Variants in CLCN2 observed in about 807,000 individuals in gnomAD.
CLCN2 encodes chloride channel protein 2.
A neutral mutation model predicts 108.3 loss-of-function variants in CLCN2; 72 were observed. That is an observed-to-expected ratio of 0.66 (90% confidence interval 0.55 to 0.81). The LOEUF (loss-of-function observed/expected upper bound fraction) is 0.81. Ranked by LOEUF, CLCN2 falls within the 30% of genes least tolerant of loss-of-function variation. CLCN2 has a pLI of 0.00. For missense variants in CLCN2, 1,048 were observed against 1,205.2 expected, an observed-to-expected ratio of 0.87 and a Z score of 1.93; for synonymous variants, 471 against 467.1, an observed-to-expected ratio of 1.01 and a Z score of -0.11.
At chr3:184,353,005 T>A in intron 18 of CLCN2, 28 bp downstream of exon 18, 1 of 1,600,548 alleles carries the variant, frequency 6.2e-7, no homozygotes, top group Non-Finnish European at 8.6e-7. Context: ...TGGCTGAGGC[T>A]CTGTGGACAC....
At position 184,352,024 on chromosome 3, in the gene CLCN2, A is replaced by T. The variant is rs758729918; in HGVS notation, c.2404T>A (p.Ser802Thr). ...GCTGCTGGCCCTACCTTGTGCAAAG[A>T]GGTCCGCTCCACCAGCTGGAAGGGA... ...PAPFQLVERT[S>T]LHKTHTIFSL... Residue 802 changes from serine to threonine, a missense_variant, in exon 22 of 24, where the codon TCT becomes ACT. Transcript: ENST00000265593. 2 of 1,613,308 alleles carry T rather than the reference A, an allele frequency of 1.2e-6. No individual in the cohort carries two copies. The highest frequency in any genetic ancestry group is 4.5e-5 in the East Asian group (2 of 44,892).
At position 184,358,198 on chromosome 3, in the gene CLCN2, C is replaced by T. The variant is rs372555861; in HGVS notation, c.465G>A (p.Leu155=). ...ITFSAGFTQI[L]APQAVGSGIP... ...CTAACATACCGACAGCCTGAGGGGC[C>T]AGGATCTGTGTGAATCCGGCTGAGA... Residue 155 remains leucine (L), a synonymous_variant, in exon 4 of 24, where the codon CTG becomes CTA. Transcript: ENST00000265593. The T allele has an allele frequency of 6.2e-6, 10 of 1,614,018 alleles. No individual in the cohort carries two copies. The highest frequency in any genetic ancestry group is 8.5e-6 in the Non-Finnish European group (10 of 1,180,044).
In CLCN2 at chr3:184,355,725, G is replaced by T; in HGVS notation, c.1139C>A (p.Pro380His). The T allele has an allele frequency of 1.2e-6, 2 of 1,614,210 alleles. No individual in the cohort carries two copies. The highest frequency in any genetic ancestry group is 1.3e-5 in the African/African-American group (1 of 75,048). Residue 380 changes from proline (P) to histidine (H), a missense_variant, in exon 11 of 24, where the codon CCC (proline) becomes CAC (histidine). Coordinates refer to ENST00000265593, the MANE Select transcript of CLCN2 (RefSeq NM_004366.6). The surrounding 1 kb of genome is among the most constrained non-coding windows in gnomAD (Gnocchi z 6.3). ...VTLLISTLTFPPGFGQFMAGQ... is the reference protein window; with the variant it reads ...VTLLISTLTFHPGFGQFMAGQ... ...AGCCATGAACTGTCCAAAGCCAGGGGGGAAGGTCAGCGTGGAGATGAGCAG... is the reference window on the plus strand; with the variant it reads ...AGCCATGAACTGTCCAAAGCCAGGGTGGAAGGTCAGCGTGGAGATGAGCAG...
intron 14 of CLCN2, 84 bp from the exon 15 acceptor site, chr3:184,354,398 C>A: frequency 7.0e-7 from 1 of 1,434,876 alleles, no homozygotes; most frequent in Non-Finnish European, 9.7e-7. Flanking sequence ...GAGTGGGTCC[C>A]TCAGGGCTGC....
At chr3:184,356,800 A>G in intron 10 of CLCN2, 193 bp downstream of exon 10, 1 of 618,656 alleles carries the variant, frequency 1.6e-6, no homozygotes, top group Non-Finnish European at 2.9e-6. Flanking sequence ...CTGACTATAA[A>G]CTTAAAAATG....
intron 1 of CLCN2, among the ~76,000 whole-genome samples, chr3:184,360,970 A>G (rs549011243): frequency 6.6e-6 from 1 of 152,356 alleles, no homozygotes; most frequent in East Asian, 1.9e-4. Context: ...GGGGCTGACC[A>G]TCTTTCTACA....
Position 184,359,147 on chromosome 3 carries a change from G to C in CLCN2, c.64-16C>G, listed in dbSNP as rs1257204100. The C allele has an allele frequency of 6.2e-7, 1 of 1,613,574 alleles. No homozygotes were observed. The highest frequency in any genetic ancestry group is 1.1e-5 in the South Asian group (1 of 91,084). ...GGCCATACATCTGGAGCAACAGAGGGGATGGGGGCATTCGAGGTCATGGGC... is the reference window on the plus strand; with the variant it reads ...GGCCATACATCTGGAGCAACAGAGGCGATGGGGGCATTCGAGGTCATGGGC... On this transcript the variant is annotated splice_polypyrimidine_tract_variant and intron_variant, in intron 1 of 23. Transcript: ENST00000265593.
chr3:184,359,184 G>T, intron 1 of CLCN2, 53 bp from the exon 2 acceptor site: 1 of 1,605,088 alleles, frequency 6.2e-7, no homozygotes, highest in South Asian at 1.1e-5. Context: ...GAGTGGGAAC[G>T]CAGGGAGAGT....
chr3:184,361,601 A>T lies in CLCN2; in HGVS notation c.-122T>A. On this transcript the variant is annotated 5_prime_UTR_variant, in exon 1 of 24. Coordinates refer to ENST00000265593, the MANE Select transcript of CLCN2 (RefSeq NM_004366.6). This position sits in a 1 kb window ranked among gnomAD's most constrained non-coding sequence, Gnocchi z 6.6. ...CCGCAGCCCGGGAGGCCGAGAGCAGAGTGCGGCGGGCCCCCGGCGGGCGCC... is the reference window on the plus strand; with the variant it reads ...CCGCAGCCCGGGAGGCCGAGAGCAGTGTGCGGCGGGCCCCCGGCGGGCGCC... 1.1e-6 allele frequency: 1 copy of T among 926,260 alleles called. No homozygotes were observed. Among genetic ancestry groups the T allele is most frequent in the South Asian group, 2.9e-5 (1 of 34,478 alleles). 57.4% of individuals were successfully genotyped at this position (926,260 alleles called of 1,614,324 possible). A position where few individuals can be genotyped will look rare whatever the true frequency, so the allele number is the denominator to read the frequency against.
chr3:184,356,956 C>T (rs1728596834), intron 10 of CLCN2, 37 bp downstream of exon 10: 2 of 1,515,362 alleles, frequency 1.3e-6, no homozygotes, highest in South Asian at 1.1e-5. Flanking sequence ...CCTTATACAA[C>T]TCAAAGCAGC....
chr3:184,355,445 T>C lies in CLCN2; in HGVS notation c.1255A>G (p.Ser419Gly). 6.2e-7 allele frequency: 1 copy of C among 1,614,040 alleles called. No individual in the cohort carries two copies. The highest frequency in any genetic ancestry group is 8.5e-7 in the Non-Finnish European group (1 of 1,180,000). Residue 419 changes from serine to glycine, a missense_variant, in exon 12 of 24, where the codon AGC (serine) becomes GGC (glycine). Transcript: ENST00000265593. The surrounding 1 kb of genome is among the most constrained non-coding windows in gnomAD (Gnocchi z 6.3). The part of the protein sequence containing the change: ...QGLVEELEPP[S>G]TSQAWNPPRA... ...GGTGGGTTCCAGGCCTGTGAGGTGC[T>C]GGGTGGTTCTAGCTCCTCCACCAGG... is the stretch of plus-strand genomic sequence containing the variant.
chr3:184,347,066 C>T (rs1230809295), intron 22 of CLCN2, 45 bp from the exon 23 acceptor site: 1 of 1,544,216 alleles, frequency 6.5e-7, no homozygotes, highest in Non-Finnish European at 9.0e-7. Context: ...GGACGAGGGG[C>T]AGCTCTAAAT....
rs747502710 is a variant in CLCN2 at position 184,361,483 on chromosome 3, C to T, written c.-4G>A. The T allele has an allele frequency of 4.3e-6, 7 of 1,611,288 alleles. No homozygotes were observed. The Admixed American group carries it at 1.0e-4, about 23-fold the overall frequency. ...CCTCCGCCGCCGCGGCCGCCATCTC[C>T]GCGCACTGCCCTCTCGCCTCCCTCG... On this transcript the variant is annotated 5_prime_UTR_variant, in exon 1 of 24. Transcript: ENST00000265593. This position sits in a 1 kb window ranked among gnomAD's most constrained non-coding sequence, Gnocchi z 6.6.
At chr3:184,357,115 T>C in intron 9 of CLCN2, 21 bp from the exon 10 acceptor site, 11 of 1,611,328 alleles carry the variant, frequency 6.8e-6, no homozygotes, top group Non-Finnish European at 9.3e-6. Flanking sequence ...AAGAGGCACC[T>C]GAGTGAAAAG....
At chr3:184,349,731 C>A (rs189146146) in intron 22 of CLCN2, among the ~76,000 whole-genome samples, 11 of 152,198 alleles carry the variant, frequency 7.2e-5, no homozygotes, top group African/African-American at 2.7e-4. Context: ...GGTGTGATCC[C>A]CATTTTACAG....
intron 14 of CLCN2, 106 bp from the exon 15 acceptor site, chr3:184,354,420 C>A: frequency 7.5e-7 from 1 of 1,339,588 alleles, no homozygotes; most frequent in Non-Finnish European, 1.1e-6. Context: ...CAATACAGTC[C>A]TGGGATTGGA....
At chr3:184,353,596 CT>C in intron 16 of CLCN2, 65 bp downstream of exon 16, 2 of 1,602,176 alleles carry the variant, frequency 1.2e-6, no homozygotes, top group Non-Finnish European at 1.7e-6. Context: ...CCTGAGCTCC[CT>C]GCCCCTTCCC....
intron 1 of CLCN2, 55 bp from the exon 2 acceptor site, chr3:184,359,186 A>G: frequency 6.2e-7 from 1 of 1,605,264 alleles, no homozygotes; most frequent in South Asian, 1.1e-5. Flanking sequence ...GTGGGAACGC[A>G]GGGAGAGTTC....
Position 184,355,512 on chromosome 3 carries a change from C to G in CLCN2, c.1188G>C (p.Thr396=), listed in dbSNP as rs766683058. The change falls in exon 12 of 24, where the codon ACG becomes ACC. Residue 396 remains threonine, a synonymous_variant. Coordinates refer to ENST00000265593, the MANE Select transcript of CLCN2 (RefSeq NM_004366.6). This position sits in a 1 kb window ranked among gnomAD's most constrained non-coding sequence, Gnocchi z 6.3. ...TCCGATTGTCAAACAGGGTGACCAG[C>G]GTCTCTTTCTGTGAGAGCTAGAGTG... The part of the protein sequence containing the change: ...FMAGQLSQKE[T]LVTLFDNRTW... The G allele has an allele frequency of 6.2e-7, 1 of 1,614,072 alleles. No individual in the cohort carries two copies. The highest frequency in any genetic ancestry group is 8.5e-7 in the Non-Finnish European group (1 of 1,180,026).
Sources: gnomAD v4.1 joint callset for allele counts (sites outside exome capture counted in the v4.1 genomes callset) on GRCh38, gnomAD v4.1.1 for gene constraint, Gnocchi (gnomAD v3.1) non-coding constraint, MANE v1.5 for transcripts, NCBI Gene and HGNC (gene_info 2026-07-23, HGNC 2026-07-21) for gene names.